Variants in ZFHX3 observed in about 807,000 individuals in gnomAD.
ZFHX3 encodes the protein zinc finger homeobox protein 3.
In ZFHX3, 42 loss-of-function variants were observed where a neutral mutation model predicts 279.1. That is an observed-to-expected ratio of 0.15 (90% CI 0.12 to 0.19). The LOEUF is 0.19. ZFHX3 is among the 10% of genes least tolerant of loss of function. The probability of loss-of-function intolerance (pLI) is 1.00; values close to 1 mark genes in which losing one functional copy is unlikely to be tolerated. For missense variants in ZFHX3, 4,981 were observed against 4,754.0 expected (o/e 1.05, Z -1.40); for synonymous variants, 2,293 against 1,957.8 (o/e 1.17, Z -4.52).
In ZFHX3 at chr16:73,718,149, G is replaced by A. The variant is rs541137770; in HGVS notation, c.-1607-37909C>T. Among the ~76,000 whole-genome samples, 10 of 152,254 alleles carry A rather than the reference G, an allele frequency of 6.6e-5. No individual in the cohort carries two copies. The East Asian group carries it at 7.7e-4, about 12-fold the overall frequency. On this transcript the variant is annotated intron_variant, in intron 1 of 17. Coordinates refer to the ZFHX3 transcript ENST00000641206. ...AAGTGAGCTGGGCACGGTGGCTCAC[G>A]CCTGTAATCCCAACACTTTGGGAAG...
chr16:73,666,595 C>T (rs1196077040), intron 2 of ZFHX3, among the ~76,000 whole-genome samples: 1 of 152,018 alleles, frequency 6.6e-6, no homozygotes, highest in South Asian at 2.1e-4. Flanking sequence ...ACTGCTGGAC[C>T]CTTCTCTTTA....
chr16:73,063,509 C>G (rs1461552423), upstream of ZFHX3, among the ~76,000 whole-genome samples: 1 of 152,156 alleles, frequency 6.6e-6, no homozygotes, highest in African/African-American at 2.4e-5. Flanking sequence ...AGGCTCTGCC[C>G]TAAGGTTAAG....
chr16:73,493,875 A>G (rs1337046385), intron 2 of ZFHX3, among the ~76,000 whole-genome samples: 1 of 148,206 alleles, frequency 6.7e-6, no homozygotes, highest in African/African-American at 2.7e-5. Context: ...CCCAGACCTC[A>G]GAGCTGCTAG....
intron 2 of ZFHX3, among the ~76,000 whole-genome samples, chr16:73,671,703 C>T (rs998841262): frequency 9.2e-5 from 14 of 152,170 alleles, no homozygotes; most frequent in Non-Finnish European, 1.8e-4. Flanking sequence ...AAACACACTC[C>T]GATGTCACAG....
At chr16:72,856,154 G>A (rs2037749913) in intron 4 of ZFHX3, among the ~76,000 whole-genome samples, 1 of 152,250 alleles carries the variant, frequency 6.6e-6, no homozygotes, top group African/African-American at 2.4e-5. Context: ...TGGCTGCTAT[G>A]AAGGGGGGAA....
chr16:73,304,470 G>C (rs2015133148), intron 4 of ZFHX3, among the ~76,000 whole-genome samples: 1 of 152,190 alleles, frequency 6.6e-6, no homozygotes, highest in Non-Finnish European at 1.5e-5. Context: ...GTTGTCTGCT[G>C]TGTCCAGGCT....
chr16:73,839,757 G>T (rs995979623), intron 1 of ZFHX3, among the ~76,000 whole-genome samples: 1 of 152,186 alleles, frequency 6.6e-6, no homozygotes, highest in Non-Finnish European at 1.5e-5. Flanking sequence ...TCTCTCAGCG[G>T]GCTAGTCCTA....
intron 2 of ZFHX3, among the ~76,000 whole-genome samples, chr16:73,502,189 G>T (rs2019251184): frequency 6.6e-6 from 1 of 152,184 alleles, no homozygotes; most frequent in Admixed American, 6.5e-5. Flanking sequence ...GAAGGCTAAG[G>T]AACACAGCTT....
intron 1 of ZFHX3, among the ~76,000 whole-genome samples, chr16:73,705,614 C>T (rs2053295563): frequency 6.6e-6 from 1 of 152,186 alleles, no homozygotes; most frequent in Admixed American, 6.5e-5. Context: ...CTTAGCTAGA[C>T]ATGCATTTCC....
intron 2 of ZFHX3, among the ~76,000 whole-genome samples, chr16:73,547,200 C>A (rs1057058803): frequency 1.1e-4 from 17 of 152,204 alleles, no homozygotes; most frequent in Non-Finnish European, 1.6e-4. Context: ...TTCCTCCCCT[C>A]CTGCACATCG....
chr16:73,084,112 A>G (rs1200644692), intron 8 of ZFHX3, among the ~76,000 whole-genome samples: 1 of 152,238 alleles, frequency 6.6e-6, no homozygotes, highest in African/African-American at 2.4e-5. Flanking sequence ...ACAAGGAATT[A>G]TCTGGCTCAA....
chr16:72,791,942 C>T (rs1352063165), intron 9 of ZFHX3, among the ~76,000 whole-genome samples: 1 of 152,210 alleles, frequency 6.6e-6, no homozygotes, highest in African/African-American at 2.4e-5. Flanking sequence ...GGAAGCAGCA[C>T]AGCTGCTTTA....
chr16:73,624,137 G>A (rs1438237655), intron 2 of ZFHX3, among the ~76,000 whole-genome samples: 1 of 152,118 alleles, frequency 6.6e-6, no homozygotes, highest in Non-Finnish European at 1.5e-5. Context: ...GCACTACGCT[G>A]GATGATATTA....
intron 5 of ZFHX3, among the ~76,000 whole-genome samples, chr16:73,162,572 A>C (rs11866596): frequency 6.6e-6 from 1 of 152,048 alleles, no homozygotes; most frequent in Non-Finnish European, 1.5e-5. Context: ...ATGTATTCCA[A>C]TGTCATAATT....
chr16:73,389,404 T>C (rs1159536470), intron 3 of ZFHX3, among the ~76,000 whole-genome samples: 3 of 152,258 alleles, frequency 2.0e-5, no homozygotes, highest in African/African-American at 7.2e-5. Context: ...CAGCATCTTA[T>C]ATCTAGAAAA....
chr16:72,954,510 C>T (rs1274334291), intron 2 of ZFHX3, among the ~76,000 whole-genome samples: 3 of 152,292 alleles, frequency 2.0e-5, no homozygotes, highest in South Asian at 4.1e-4. Flanking sequence ...CGTGAGCCCA[C>T]CCATCAGCAC....
At chr16:73,845,051 T>A (rs1961413199) in intron 1 of ZFHX3, among the ~76,000 whole-genome samples, 1 of 152,172 alleles carries the variant, frequency 6.6e-6, no homozygotes. Flanking sequence ...CTCTTTTTTA[T>A]AAGCAGCCAT....
intron 8 of ZFHX3, among the ~76,000 whole-genome samples, chr16:73,065,302 C>T (rs962985272): frequency 6.6e-6 from 1 of 152,256 alleles, no homozygotes; most frequent in South Asian, 2.1e-4. Context: ...GAACAATCCC[C>T]CCACCCCACC....
At chr16:73,596,325 G>A (rs1597018289) in intron 2 of ZFHX3, among the ~76,000 whole-genome samples, 2 of 151,980 alleles carry the variant, frequency 1.3e-5, no homozygotes, top group East Asian at 1.9e-4. Context: ...ACCTGGCCTC[G>A]ACCATTACTT....
Sources: gnomAD v4.1 joint callset for allele counts (sites outside exome capture counted in the v4.1 genomes callset) on GRCh38, gnomAD v4.1.1 for gene constraint, MANE v1.5 for transcripts, NCBI Gene and HGNC (gene_info 2026-07-23, HGNC 2026-07-21) for gene names.